CLDN14: variants seen among roughly 807,000 people sequenced by gnomAD.
The protein encoded by CLDN14 is claudin 14.
CLDN14 carries 2 observed loss-of-function variants against 2.1 expected under a neutral mutation model. The observed-to-expected ratio is 0.96, with a 90% CI of 0.39 to 3.01. CLDN14 has a LOEUF of 3.01. Ranked by LOEUF, CLDN14 falls within the 30% of genes most tolerant of loss-of-function variation. The pLI, the probability that CLDN14 is intolerant of heterozygous loss-of-function variation, is 0.09. For synonymous variants in CLDN14, 136 were observed against 154.4 expected (o/e 0.88, Z 0.88); for missense variants, 298 against 328.0 (o/e 0.91, Z 0.71).
intron 1 of CLDN14, among the ~76,000 whole-genome samples, chr21:36,523,575 C>A (rs1361690701): frequency 6.6e-6 from 1 of 151,484 alleles, no homozygotes; most frequent in Non-Finnish European, 1.5e-5. Context: ...GGCAAAACCC[C>A]ATTCCTACTA....
intron 1 of CLDN14, among the ~76,000 whole-genome samples, chr21:36,557,171 G>A (rs1292913151): frequency 6.6e-6 from 1 of 152,016 alleles, no homozygotes; most frequent in Admixed American, 6.5e-5. Context: ...TATATACATT[G>A]TCTTTATCCA....
intron 1 of CLDN14, among the ~76,000 whole-genome samples, chr21:36,469,907 G>T (rs532900760): frequency 6.6e-6 from 1 of 152,130 alleles, no homozygotes; most frequent in Admixed American, 6.5e-5. Context: ...GATTTTTCCC[G>T]ACAAGACAGT....
Position 36,462,780 on chromosome 21 carries a change from T to C in CLDN14, c.-81-1004A>G, listed in dbSNP as rs571949070. On this transcript the variant is annotated intron_variant, in intron 1 of 1. Transcript: ENST00000399135. The stretch of plus-strand genomic sequence containing the variant: ...CCCCGTCTCTACTAAAATACAAAAA[T>C]TAGCCAGGCATCCCGTAATCCCAGC... 2.4e-3 allele frequency among the ~76,000 whole-genome samples: 370 copies of C among 151,782 alleles called. 4 individuals are homozygous for C. The highest frequency in any genetic ancestry group is 3.5e-3 in the Non-Finnish European group (240 of 67,910).
intron 1 of CLDN14, among the ~76,000 whole-genome samples, chr21:36,570,913 C>T (rs1330613430): frequency 1.3e-5 from 2 of 152,226 alleles, no homozygotes; most frequent in African/African-American, 4.8e-5. Flanking sequence ...GTGATCTTAG[C>T]TCACTGCAAC....
chr21:36,473,408 TG>T (rs769824523), intron 1 of CLDN14, among the ~76,000 whole-genome samples: 6 of 152,252 alleles, frequency 3.9e-5, no homozygotes, highest in Non-Finnish European at 7.3e-5. Flanking sequence ...ATTTTGGACT[TG>T]CCAGCCTTGA....
At chr21:36,486,114 G>A (rs753464535) in intron 2 of CLDN14, 41 of 1,337,592 alleles carry the variant, frequency 3.1e-5, no homozygotes. Context: ...ACACTCTGAA[G>A]GAACTCAGGA....
chr21:36,546,860 T>C (rs2087529276), intron 1 of CLDN14, among the ~76,000 whole-genome samples: 1 of 152,186 alleles, frequency 6.6e-6, no homozygotes, highest in African/African-American at 2.4e-5. Context: ...AATCAGCAGT[T>C]CTTACATTTA....
At chr21:36,464,538 A>G (rs896073670) in intron 1 of CLDN14, among the ~76,000 whole-genome samples, 23 of 152,180 alleles carry the variant, frequency 1.5e-4, no homozygotes, top group Non-Finnish European at 1.2e-4. Flanking sequence ...ACGCCATCAC[A>G]GTCCCTGCTG....
chr21:36,533,760 T>C (rs563301055), intron 1 of CLDN14, among the ~76,000 whole-genome samples: 7 of 152,290 alleles, frequency 4.6e-5, no homozygotes, highest in South Asian at 2.1e-4. Flanking sequence ...AGAAACTGCA[T>C]GTTCTCACTT....
chr21:36,463,684 C>T (rs12626330), intron 1 of CLDN14, among the ~76,000 whole-genome samples: 1 of 151,934 alleles, frequency 6.6e-6, no homozygotes. Context: ...TGCACTCCAG[C>T]CTGGGCAACA....
At chr21:36,486,829 A>G (rs2086902860) in intron 2 of CLDN14, 1 of 736,166 alleles carries the variant, frequency 1.4e-6, no homozygotes, top group Non-Finnish European at 2.5e-6. Context: ...GGCCATGTGG[A>G]TGCCAGTGTA....
chr21:36,512,418 A>C (rs2087193323), intron 1 of CLDN14, among the ~76,000 whole-genome samples: 1 of 152,216 alleles, frequency 6.6e-6, no homozygotes, highest in Non-Finnish European at 1.5e-5. Context: ...TTGTAGAAGA[A>C]TATTGTATTA....
intron 2 of CLDN14, among the ~76,000 whole-genome samples, chr21:36,501,236 C>T (rs1441009811): frequency 6.7e-6 from 1 of 149,514 alleles, no homozygotes; most frequent in East Asian, 2.0e-4. Flanking sequence ...CAGTTTATAT[C>T]AGCAACATGA....
chr21:36,572,900 G>T (rs906557981), intron 1 of CLDN14, among the ~76,000 whole-genome samples: 1 of 152,158 alleles, frequency 6.6e-6, no homozygotes, highest in African/African-American at 2.4e-5. Context: ...TTCCAATCTT[G>T]CGCTTCCCTG....
intron 1 of CLDN14, among the ~76,000 whole-genome samples, chr21:36,528,652 T>G (rs1331815411): frequency 6.6e-6 from 1 of 152,162 alleles, no homozygotes; most frequent in Non-Finnish European, 1.5e-5. Context: ...GAGTCTTCGG[T>G]CCATGCAAGG....
intron 1 of CLDN14, among the ~76,000 whole-genome samples, chr21:36,565,101 C>T (rs551301923): frequency 6.6e-6 from 1 of 152,330 alleles, no homozygotes; most frequent in Non-Finnish European, 1.5e-5. Flanking sequence ...CCACGGGAAG[C>T]TAACACAGTT....
intron 1 of CLDN14, among the ~76,000 whole-genome samples, chr21:36,543,093 C>A (rs1414499154): frequency 6.6e-6 from 1 of 152,176 alleles, no homozygotes; most frequent in Admixed American, 6.5e-5. Context: ...TTCAACAACC[C>A]GCCTCCCACC....
intron 1 of CLDN14, among the ~76,000 whole-genome samples, chr21:36,574,785 G>A (rs2087730350): frequency 6.6e-6 from 1 of 152,060 alleles, no homozygotes; most frequent in Non-Finnish European, 1.5e-5. Flanking sequence ...TCCCACCACA[G>A]AGAACCATCT....
intron 1 of CLDN14, among the ~76,000 whole-genome samples, chr21:36,531,184 T>C (rs1259616875): frequency 1.3e-5 from 2 of 152,018 alleles, no homozygotes; most frequent in Non-Finnish European, 2.9e-5. Context: ...GCCGAGATCA[T>C]GCCACTGCAC....
Sources: allele counts gnomAD v4.1 joint callset (sites outside exome capture counted in the v4.1 genomes callset), GRCh38; gene constraint gnomAD v4.1.1; transcripts MANE v1.5; gene names NCBI Gene and HGNC (gene_info 2026-07-23, HGNC 2026-07-21).